Variants in MEOX2 observed in about 807,000 individuals in gnomAD.
The protein encoded by MEOX2 is mesenchyme homeobox 2.
A neutral mutation model predicts 27.0 loss-of-function variants in MEOX2; 11 were observed. That is an observed-to-expected ratio of 0.41 (90% CI 0.26 to 0.68). The LOEUF is 0.68. MEOX2 is among the 30% of genes least tolerant of loss of function. MEOX2 has a pLI of 0.33. For synonymous variants in MEOX2, 189 were observed against 155.4 expected (o/e 1.22, Z -1.61); for missense variants, 436 against 385.4 (o/e 1.13, Z -1.10).
intron 1 of MEOX2, among the ~76,000 whole-genome samples, chr7:15,645,370 C>T (rs1413596023): frequency 1.3e-5 from 2 of 152,182 alleles, no homozygotes; most frequent in East Asian, 3.9e-4. Flanking sequence ...ACAGCTATGA[C>T]AAATCTAAAG....
chr7:15,624,245 T>C (rs578148932), intron 2 of MEOX2, among the ~76,000 whole-genome samples: 1 of 152,374 alleles, frequency 6.6e-6, no homozygotes, highest in Admixed American at 6.5e-5. Context: ...ATTCTGCATG[T>C]ATACATCTTT....
At chr7:15,658,650 T>A (rs1282345795) in intron 1 of MEOX2, among the ~76,000 whole-genome samples, 3 of 152,064 alleles carry the variant, frequency 2.0e-5, no homozygotes, top group Non-Finnish European at 4.4e-5. Context: ...GTATTTTGAG[T>A]TGGGGCTTTT....
intron 1 of MEOX2, among the ~76,000 whole-genome samples, chr7:15,670,298 A>T (rs1782074948): frequency 1.3e-5 from 2 of 152,270 alleles, no homozygotes; most frequent in African/African-American, 4.8e-5. Context: ...TGATAGATGC[A>T]AGAATTTATC....
rs1781034425 is a variant in MEOX2, at chr7:15,611,719, T to G, written c.*668A>C. On this transcript the variant is annotated 3_prime_UTR_variant, in exon 3 of 3. Coordinates refer to ENST00000262041, the MANE Select transcript of MEOX2 (RefSeq NM_005924.5). The stretch of plus-strand genomic sequence containing the variant: ...AAGCACATACTGATTGTCTCTGGGA[T>G]GACAAAATGTATAAAAAAGACAAGA... The G allele has an allele frequency of 6.5e-6, 1 of 153,240 alleles. No homozygotes were observed. The highest frequency in any genetic ancestry group is 2.1e-4 in the South Asian group (1 of 4,862). 9.5% of individuals were successfully genotyped at this position (153,240 alleles called of 1,614,324 possible).
intron 1 of MEOX2, among the ~76,000 whole-genome samples, chr7:15,631,906 A>ATGTGTGTGTGTGTGTGTGTGTGTG (rs146116757): frequency 0.12 from 15,801 of 128,916 alleles, 1,262 homozygotes; most frequent in Non-Finnish European, 0.16. Flanking sequence ...CCAAGGTTAA[A>ATGTGTGTGTGTGTGTGTGTGTGTG]TGTGTGTGTG....
At chr7:15,657,006 T>G (rs937006262) in intron 1 of MEOX2, among the ~76,000 whole-genome samples, 2 of 152,046 alleles carry the variant, frequency 1.3e-5, no homozygotes, top group African/African-American at 2.4e-5. Context: ...ACTTGGAAAA[T>G]GTTGTACTAC....
At chr7:15,615,353 T>G (rs1583734914) in intron 2 of MEOX2, among the ~76,000 whole-genome samples, 2 of 152,088 alleles carry the variant, frequency 1.3e-5, no homozygotes, top group African/African-American at 4.8e-5. Context: ...AGATTCTGGG[T>G]TTTGTTTTTG....
chr7:15,623,304 T>C (rs1781248452), intron 2 of MEOX2, among the ~76,000 whole-genome samples: 2 of 152,214 alleles, frequency 1.3e-5, no homozygotes, highest in African/African-American at 2.4e-5. Context: ...TTTTTTCTGA[T>C]AAATTCAGCA....
chr7:15,630,659 A>G (rs1781386822), intron 1 of MEOX2, among the ~76,000 whole-genome samples: 1 of 152,028 alleles, frequency 6.6e-6, no homozygotes, highest in Non-Finnish European at 1.5e-5. Context: ...TGTTTTGTAA[A>G]CTATTCAAAA....
At position 15,612,432 on chromosome 7, in the gene MEOX2, T is replaced by TATAGAGTG. The variant is rs775813494; in HGVS notation, c.869_870insCACTCTAT (p.Glu290AspfsTer4). 13 of 1,614,050 alleles carry TATAGAGTG rather than the reference T, an allele frequency of 8.1e-6. No individual in the cohort carries two copies. The highest frequency in any genetic ancestry group is 9.3e-6 in the Non-Finnish European group (11 of 1,180,034). Reference sequence around the variant, plus strand: ...AGCTGTGGTCACTGTCGTGACTGTCTTCATTTGCTATAGAGTCCCCTGTTT... The same window carrying TATAGAGTG: ...AGCTGTGGTCACTGTCGTGACTGTCTATAGAGTGTCATTTGCTATAGAGTCCCCTGTTT... On this transcript the variant is annotated frameshift_variant, in exon 3 of 3. Transcript: ENST00000262041. LOFTEE classifies it high-confidence loss of function.
intron 1 of MEOX2, among the ~76,000 whole-genome samples, chr7:15,672,777 A>G (rs1418658677): frequency 6.6e-6 from 1 of 152,072 alleles, no homozygotes; most frequent in Non-Finnish European, 1.5e-5. Flanking sequence ...CTGTAGTCCC[A>G]GCTACTTGGG....
At chr7:15,614,852 T>G (rs2115352433) in intron 2 of MEOX2, among the ~76,000 whole-genome samples, 1 of 152,234 alleles carries the variant, frequency 6.6e-6, no homozygotes, top group East Asian at 1.9e-4. Flanking sequence ...TATATTAAAT[T>G]TCCAAAGACA....
In MEOX2 at chr7:15,685,961, C is replaced by T. The variant is rs1260971654; in HGVS notation, c.442G>A (p.Asp148Asn). The T allele has an allele frequency of 6.2e-7, 1 of 1,611,158 alleles. No individual in the cohort carries two copies. Among genetic ancestry groups the T allele is most frequent in the Non-Finnish European group, 8.5e-7 (1 of 1,179,658 alleles). The change falls in exon 1 of 3, where the codon GAC becomes AAC. Residue 148 changes from aspartate to asparagine, a missense_variant. Asp to Asn is a conservative substitution (Grantham distance 23). Transcript: ENST00000262041. ...TPTGAACAPG[D>N]YGRQALSPAE... Reference sequence around the variant, plus strand: ...GGTGACAGTGCCTGGCGGCCGTAGTCCCCCGGCGCGCACGCGGCCCCAGTC... The same window carrying T: ...GGTGACAGTGCCTGGCGGCCGTAGTTCCCCGGCGCGCACGCGGCCCCAGTC...
At chr7:15,639,634 T>G (rs1781530836) in intron 1 of MEOX2, among the ~76,000 whole-genome samples, 2 of 152,134 alleles carry the variant, frequency 1.3e-5, no homozygotes, top group Non-Finnish European at 2.9e-5. Context: ...TTCAGTTAAT[T>G]TTTGTATATA....
At chr7:15,674,641 T>G (rs1462092875) in intron 1 of MEOX2, among the ~76,000 whole-genome samples, 1 of 151,896 alleles carries the variant, frequency 6.6e-6, no homozygotes, top group Admixed American at 6.6e-5. Flanking sequence ...TATGGAATAA[T>G]TAACTGTATT....
chr7:15,621,455 A>G (rs954546673), intron 2 of MEOX2, among the ~76,000 whole-genome samples: 21 of 152,104 alleles, frequency 1.4e-4, no homozygotes, highest in Admixed American at 4.6e-4. Flanking sequence ...CTACCCTGAC[A>G]TTGCATTATG....
chr7:15,684,530 G>C (rs1048309457), intron 1 of MEOX2, among the ~76,000 whole-genome samples: 1 of 152,192 alleles, frequency 6.6e-6, no homozygotes, highest in African/African-American at 2.4e-5. Flanking sequence ...TTGAGACCGT[G>C]AGAGAAGAAT....
rs140348674 is a variant in MEOX2, at chr7:15,660,007, A to G, written c.517+25879T>C. On this transcript the variant is annotated intron_variant, in intron 1 of 2. Transcript: ENST00000262041. ...ATTACAATGCAAAGTGACTTATTCA[A>G]AAATAAAAGCATGTGCAATGATCTA... is the stretch of plus-strand genomic sequence containing the variant. 3.8e-3 allele frequency among the ~76,000 whole-genome samples: 584 copies of G among 152,290 alleles called. 4 individuals carry two copies. Among genetic ancestry groups the G allele is most frequent in the African/African-American group, 0.013 (560 of 41,558 alleles).
chr7:15,658,635 T>C (rs1209663592), intron 1 of MEOX2, among the ~76,000 whole-genome samples: 1 of 152,126 alleles, frequency 6.6e-6, no homozygotes, highest in Non-Finnish European at 1.5e-5. Context: ...ATCCCCAATG[T>C]GATGGTATTT....
Sources: gnomAD v4.1 joint callset for allele counts (sites outside exome capture counted in the v4.1 genomes callset) on GRCh38, gnomAD v4.1.1 for gene constraint, MANE v1.5 for transcripts, NCBI Gene and HGNC (gene_info 2026-07-23, HGNC 2026-07-21) for gene names.